SERPINE2: variants seen among roughly 807,000 people sequenced by gnomAD.
The protein encoded by SERPINE2 is serpin family E member 2, also known as glia-derived nexin.
In SERPINE2, 14 loss-of-function variants were observed where a neutral mutation model predicts 36.3. That is an observed-to-expected ratio of 0.39 (90% CI 0.25 to 0.60). SERPINE2 has a LOEUF of 0.60. Ranked by LOEUF, SERPINE2 falls within the 20% of genes least tolerant of loss-of-function variation. The pLI, the probability that SERPINE2 is intolerant of heterozygous loss-of-function variation, is 0.57. For missense variants in SERPINE2, 418 were observed against 499.6 expected, an observed-to-expected ratio of 0.84 and a Z score of 1.56; for synonymous variants, 192 against 191.8, an observed-to-expected ratio of 1.00 and a Z score of -0.01.
At chr2:224,018,579 A>G (rs974112218) in intron 1 of SERPINE2, among the ~76,000 whole-genome samples, 8 of 151,078 alleles carry the variant, frequency 5.3e-5, no homozygotes, top group African/African-American at 1.9e-4. Context: ...ACTCTAAAAC[A>G]CAGTACTTCT....
chr2:223,994,527 G>C (rs955964926), intron 3 of SERPINE2, among the ~76,000 whole-genome samples: 1 of 152,098 alleles, frequency 6.6e-6, no homozygotes, highest in Admixed American at 6.5e-5. Context: ...CCATGTGCCT[G>C]GTACTCTCTT....
At position 224,001,695 on chromosome 2, in the gene SERPINE2, G is replaced by A. The variant is rs760037493; in HGVS notation, c.206C>T (p.Ala69Val). Reference sequence around the variant, plus strand: ...GAGCTGCTTCTTGGTCCTGCCGTCCGCCCCCAGCTGAAGCATCCCCAGGAC... The same window carrying A: ...GAGCTGCTTCTTGGTCCTGCCGTCCACCCCCAGCTGAAGCATCCCCAGGAC... Reference protein sequence around the residue: ...ASVLGMLQLGADGRTKKQLAM... With the variant: ...ASVLGMLQLGVDGRTKKQLAM... Residue 69 changes from alanine (A) to valine (V), a missense_variant, in exon 2 of 9, where the codon GCG (alanine) becomes GTG (valine). Transcript: ENST00000409304. 6 of 1,613,966 alleles carry A rather than the reference G, an allele frequency of 3.7e-6. No homozygotes were observed. The African/African-American group carries it at 4.0e-5, about 11-fold the overall frequency.
At chr2:224,036,613 C>G (rs1692546568) in intron 1 of SERPINE2, among the ~76,000 whole-genome samples, 1 of 149,278 alleles carries the variant, frequency 6.7e-6, no homozygotes, top group Non-Finnish European at 1.5e-5. Context: ...GCACATGTAC[C>G]CCAGAGCTTA....
intron 4 of SERPINE2, among the ~76,000 whole-genome samples, chr2:223,988,694 T>G (rs557078969): frequency 3.2e-4 from 48 of 152,366 alleles, no homozygotes; most frequent in African/African-American, 1.1e-3. Flanking sequence ...CCATTCCTAT[T>G]CCTATCCCAG....
chr2:224,000,471 T>C (rs1301734650), intron 2 of SERPINE2, among the ~76,000 whole-genome samples: 1 of 152,230 alleles, frequency 6.6e-6, no homozygotes, highest in Non-Finnish European at 1.5e-5. Context: ...CATTGGGCCT[T>C]ACTTTAAAAC....
At position 223,991,888 on chromosome 2, in the gene SERPINE2, C is replaced by T; in HGVS notation, c.600G>A (p.Glu200=). Residue 200 remains glutamate, a synonymous_variant, in exon 4 of 9, where the codon GAG becomes GAA. Coordinates refer to ENST00000409304, the MANE Select transcript of SERPINE2 (RefSeq NM_001136528.2). ...CCACGAAAGTGCGTTTCTTTGTGTT[C>T]TCGGGTTGGAACCGTGATTTCCACA... ...KGLWKSRFQP[E]NTKKRTFVAA... The T allele has an allele frequency of 6.2e-7, 1 of 1,613,312 alleles. No homozygotes were observed. The highest frequency in any genetic ancestry group is 8.5e-7 in the Non-Finnish European group (1 of 1,179,648).
At chr2:223,988,600 G>T (rs1690528837) in intron 4 of SERPINE2, among the ~76,000 whole-genome samples, 1 of 152,002 alleles carries the variant, frequency 6.6e-6, no homozygotes, top group African/African-American at 2.4e-5. Flanking sequence ...TATTCTTCAT[G>T]TTTTTTTTCC....
chr2:224,026,275 C>T (rs765777647), intron 1 of SERPINE2, among the ~76,000 whole-genome samples: 2 of 152,212 alleles, frequency 1.3e-5, no homozygotes, highest in Admixed American at 1.3e-4. Context: ...GTTTGAGTCA[C>T]GGTACATATT....
chr2:224,027,897 C>A (rs1248094235), intron 1 of SERPINE2, among the ~76,000 whole-genome samples: 1 of 152,248 alleles, frequency 6.6e-6, no homozygotes, highest in Non-Finnish European at 1.5e-5. Context: ...CCACCTTCAA[C>A]TTCCTTCTTG....
In SERPINE2 at chr2:223,975,871, G is replaced by A. The variant is rs1553541436; in HGVS notation, c.1190C>T (p.Pro397Leu). 6.3e-7 allele frequency: 1 copy of A among 1,592,860 alleles called. No individual in the cohort carries two copies. Among genetic ancestry groups the A allele is most frequent in the Non-Finnish European group, 8.6e-7 (1 of 1,166,206 alleles). The change falls in exon 9 of 9, where the codon CCC becomes CTC. Residue 397 changes from proline to leucine, a missense_variant. Transcript: ENST00000409304. ...ATGGTTTCTTTTGTATACTCTTCAG[G>A]GTTTGTTTATCTGCCCCATGAATAA... ...AVLFMGQINK[P>L]
intron 1 of SERPINE2, among the ~76,000 whole-genome samples, chr2:224,034,453 G>A (rs1053010572): frequency 2.0e-5 from 3 of 152,260 alleles, no homozygotes; most frequent in South Asian, 4.1e-4. Flanking sequence ...AGAAAAGAAT[G>A]TTTCAGGCAG....
chr2:224,015,654 T>TGGAA (rs1374639092), intron 1 of SERPINE2, among the ~76,000 whole-genome samples: 1 of 152,144 alleles, frequency 6.6e-6, no homozygotes, highest in Non-Finnish European at 1.5e-5. Flanking sequence ...TCATTCACAC[T>TGGAA]CCAGTGTCTA....
At chr2:223,982,851 T>G in intron 5 of SERPINE2, 70 bp from the exon 6 acceptor site, 1 of 1,094,760 alleles carries the variant, frequency 9.1e-7, no homozygotes. Flanking sequence ...AGTCGGTGCA[T>G]GTTTACAAAC....
At chr2:224,009,383 G>T (rs1272649918) in intron 1 of SERPINE2, among the ~76,000 whole-genome samples, 1 of 152,096 alleles carries the variant, frequency 6.6e-6, no homozygotes, top group Non-Finnish European at 1.5e-5. Context: ...AGCTTTTCCT[G>T]CCAGGGCTTC....
chr2:224,031,924 C>T (rs929336273), intron 1 of SERPINE2, among the ~76,000 whole-genome samples: 7 of 152,094 alleles, frequency 4.6e-5, no homozygotes, highest in African/African-American at 1.7e-4. Flanking sequence ...AGAAGAAAGC[C>T]TCCAAGTCCT....
intron 1 of SERPINE2, among the ~76,000 whole-genome samples, chr2:224,034,386 A>T (rs1255047183): frequency 6.6e-6 from 1 of 152,170 alleles, no homozygotes; most frequent in African/African-American, 2.4e-5. Flanking sequence ...CAGAAGGAGC[A>T]AAGGCAGAAA....
chr2:223,995,356 A>AGTGGGGGCAGTTCACCCCCAG (rs1415955783), intron 3 of SERPINE2, among the ~76,000 whole-genome samples: 2 of 152,222 alleles, frequency 1.3e-5, no homozygotes, highest in African/African-American at 4.8e-5. Context: ...TGTACCTTTC[A>AGTGGGGGCAGTTCACCCCCAG]GTGGGGGCAG....
At chr2:223,996,443 C>T (rs374299787) in intron 3 of SERPINE2, among the ~76,000 whole-genome samples, 20 of 152,152 alleles carry the variant, frequency 1.3e-4, no homozygotes, top group South Asian at 4.1e-4. Context: ...TGAGAAGGGA[C>T]GCCACGAATT....
chr2:224,020,781 T>C (rs1344818147), intron 1 of SERPINE2, among the ~76,000 whole-genome samples: 3 of 152,224 alleles, frequency 2.0e-5, no homozygotes, highest in Non-Finnish European at 4.4e-5. Flanking sequence ...ATATAATGCA[T>C]GATTTAAAGC....
Sources: allele counts gnomAD v4.1 joint callset (sites outside exome capture counted in the v4.1 genomes callset), GRCh38; gene constraint gnomAD v4.1.1; transcripts MANE v1.5; gene names NCBI Gene and HGNC (gene_info 2026-07-23, HGNC 2026-07-21).